CAMTA1: variants seen among roughly 807,000 people sequenced by gnomAD.
CAMTA1 encodes calmodulin binding transcription activator 1.
Under a neutral mutation model 170.9 loss-of-function variants are expected in CAMTA1, and 27 were observed. The ratio of observed to expected loss-of-function variants is 0.16; its 90% confidence interval spans 0.12 to 0.22. The LOEUF is 0.22. Ranked by LOEUF, CAMTA1 falls within the 10% of genes least tolerant of loss-of-function variation. The pLI, the probability that CAMTA1 is intolerant of heterozygous loss-of-function variation, is 1.00. For missense variants in CAMTA1, 1,619 were observed against 2,217.2 expected, an observed-to-expected ratio of 0.73 and a Z score of 5.42; for synonymous variants, 833 against 891.5, an observed-to-expected ratio of 0.93 and a Z score of 1.17.
chr1:7,103,134 G>A (rs888601564), intron 4 of CAMTA1, among the ~76,000 whole-genome samples: 3 of 151,934 alleles, frequency 2.0e-5, no homozygotes, highest in South Asian at 2.1e-4. Context: ...GGTTCCCAGC[G>A]GGGTGGGGGG....
chr1:7,139,029 A>T (rs1251025765), intron 4 of CAMTA1, among the ~76,000 whole-genome samples: 1 of 145,030 alleles, frequency 6.9e-6, no homozygotes, highest in East Asian at 2.0e-4. Context: ...AATTTTATAT[A>T]AATTTATATT....
intron 5 of CAMTA1, among the ~76,000 whole-genome samples, chr1:7,332,350 C>T (rs1361428721): frequency 6.6e-6 from 1 of 152,194 alleles, no homozygotes. Context: ...AAAATGGCCA[C>T]ATTTAATACT....
At chr1:7,057,396 C>T (rs1206014648) in intron 3 of CAMTA1, among the ~76,000 whole-genome samples, 1 of 152,190 alleles carries the variant, frequency 6.6e-6, no homozygotes, top group Non-Finnish European at 1.5e-5. Context: ...TAAGCAGGGA[C>T]TAGGGTGGAT....
intron 6 of CAMTA1, among the ~76,000 whole-genome samples, chr1:7,606,719 G>T (rs937650192): frequency 6.6e-6 from 1 of 152,180 alleles, no homozygotes. Context: ...GAACATGGAG[G>T]ATGGTTCCCA....
At position 7,173,853 on chromosome 1, in the gene CAMTA1, C is replaced by G. The variant is rs1251232186; in HGVS notation, c.303-75638C>G. On this transcript the variant is annotated intron_variant, in intron 4 of 22. Transcript: ENST00000303635. This position sits in a 1 kb window ranked among gnomAD's most constrained non-coding sequence, Gnocchi z 5.4. ...TGGACCCCAGCAGAACTTAGCAGAA[C>G]CCAAAAAGGCCCAGTGGAACCCAGG... Among the ~76,000 whole-genome samples, 1 of 151,970 alleles carries G rather than the reference C, an allele frequency of 6.6e-6. No homozygotes were observed. The highest frequency in any genetic ancestry group is 2.4e-5 in the African/African-American group (1 of 41,332).
intron 3 of CAMTA1, among the ~76,000 whole-genome samples, chr1:6,884,643 C>T (rs1672666111): frequency 6.6e-6 from 1 of 152,100 alleles, no homozygotes; most frequent in African/African-American, 2.4e-5. Flanking sequence ...CAAAAATTAC[C>T]CTCAAAAATC....
intron 8 of CAMTA1, among the ~76,000 whole-genome samples, chr1:7,662,655 C>T (rs1007248802): frequency 1.3e-5 from 2 of 152,228 alleles, no homozygotes; most frequent in Non-Finnish European, 2.9e-5. Context: ...GCTCCTGAGG[C>T]TTGTACGTCT....
In CAMTA1 at chr1:7,007,017, A is replaced by AG. The variant is rs1699098759; in HGVS notation, c.235-84287_235-84286insG. Among the ~76,000 whole-genome samples, 1 of 152,028 alleles carries AG rather than the reference A, an allele frequency of 6.6e-6. No homozygotes were observed. The highest frequency in any genetic ancestry group is 1.5e-5 in the Non-Finnish European group (1 of 68,004). ...GTCAGATGGTAGTAAAAAAAAAAAA[A>AG]AAAAATAAGAATTTTTGGATACGGT... On this transcript the variant is annotated intron_variant, in intron 3 of 22. Transcript: ENST00000303635. This position sits in a 1 kb window ranked among gnomAD's most constrained non-coding sequence, Gnocchi z 4.5.
In CAMTA1 at chr1:7,562,926, C is replaced by T. The variant is rs2094979212; in HGVS notation, c.511-77474C>T. Among the ~76,000 whole-genome samples the T allele has an allele frequency of 6.6e-6, 1 of 152,188 alleles. No homozygotes were observed. Among genetic ancestry groups the T allele is most frequent in the South Asian group, 2.1e-4 (1 of 4,832 alleles). On this transcript the variant is annotated intron_variant, in intron 6 of 22. Transcript: ENST00000303635. The surrounding 1 kb of genome is among the most constrained non-coding windows in gnomAD (Gnocchi z 4.8). ...TGGGCTGTTTAGCCAGAGCTTGGGG[C>T]CCACCCACCCCAGCTGGTCCTTGAA...
chr1:7,244,318 C>G (rs181373522), intron 4 of CAMTA1, among the ~76,000 whole-genome samples: 20 of 152,248 alleles, frequency 1.3e-4, no homozygotes, highest in East Asian at 1.9e-4. Flanking sequence ...TCAACCATTG[C>G]GGAAGTCGGT....
chr1:7,646,404 AGTTG>A (rs2095804989), intron 7 of CAMTA1, among the ~76,000 whole-genome samples: 1 of 139,552 alleles, frequency 7.2e-6, no homozygotes, highest in African/African-American at 2.8e-5. Context: ...GGCCCTGGTG[AGTTG>A]GGTGGAGGCC....
intron 5 of CAMTA1, among the ~76,000 whole-genome samples, chr1:7,261,061 G>T (rs1668089355): frequency 6.6e-6 from 1 of 152,140 alleles, no homozygotes; most frequent in South Asian, 2.1e-4. Context: ...AAAGAATATG[G>T]ATTATTATTA....
At chr1:7,729,807 A>C (rs532369972) in intron 11 of CAMTA1, among the ~76,000 whole-genome samples, 110 of 152,388 alleles carry the variant, frequency 7.2e-4, no homozygotes, top group African/African-American at 2.6e-3. Context: ...CCTGGTGTGC[A>C]GGAAGCATTC....
At chr1:7,391,651 C>A (rs1027644046) in intron 5 of CAMTA1, among the ~76,000 whole-genome samples, 2 of 152,160 alleles carry the variant, frequency 1.3e-5, no homozygotes, top group African/African-American at 4.8e-5. Context: ...CACTGCACCT[C>A]TTTGTCAGAT....
chr1:7,682,770 C>T lies in CAMTA1; in HGVS notation c.2914+5037C>T, dbSNP rs1000177197. On this transcript the variant is annotated intron_variant, in intron 11 of 22. Transcript: ENST00000303635. The surrounding 1 kb of genome is among the most constrained non-coding windows in gnomAD (Gnocchi z 5.0). ...GGCTTTCTGCTGAGTGGGCCTGGGCCGGCCGCTCCTAGGCTGGCTCCCTCC... is the reference window on the plus strand; with the variant it reads ...GGCTTTCTGCTGAGTGGGCCTGGGCTGGCCGCTCCTAGGCTGGCTCCCTCC... 3.3e-5 allele frequency among the ~76,000 whole-genome samples: 5 copies of T among 152,246 alleles called. No homozygotes were observed. The highest frequency in any genetic ancestry group is 7.2e-5 in the African/African-American group (3 of 41,468).
At chr1:7,605,158 C>A (rs2095476442) in intron 6 of CAMTA1, among the ~76,000 whole-genome samples, 1 of 152,208 alleles carries the variant, frequency 6.6e-6, no homozygotes, top group Non-Finnish European at 1.5e-5. Context: ...CGCAGTCTGT[C>A]CATTCTCCGA....
intron 6 of CAMTA1, among the ~76,000 whole-genome samples, chr1:7,517,795 A>G (rs2094306990): frequency 2.0e-5 from 3 of 151,898 alleles, no homozygotes; most frequent in Admixed American, 2.0e-4. Flanking sequence ...CTGGCGATGT[A>G]CTTTCGGAGT....
chr1:7,462,543 C>A (rs960703257), intron 5 of CAMTA1, among the ~76,000 whole-genome samples: 6 of 152,196 alleles, frequency 3.9e-5, no homozygotes, highest in African/African-American at 1.4e-4. Flanking sequence ...GCAGGAACCA[C>A]CACACCCGGC....
At chr1:7,718,852 C>CT (rs2096630778) in intron 11 of CAMTA1, among the ~76,000 whole-genome samples, 4 of 18,866 alleles carry the variant, frequency 2.1e-4, no homozygotes, top group African/African-American at 7.6e-4. Context: ...CCCGGTCAGC[C>CT]CTTTTTTTTT....
Sources: gnomAD v4.1 joint callset for allele counts (sites outside exome capture counted in the v4.1 genomes callset) on GRCh38, gnomAD v4.1.1 for gene constraint, Gnocchi (gnomAD v3.1) non-coding constraint, MANE v1.5 for transcripts, NCBI Gene and HGNC (gene_info 2026-07-23, HGNC 2026-07-21) for gene names.